The following BACE2 variants were observed in gnomAD, a reference collection of about 807,000 sequenced individuals.
BACE2 encodes the protein 56 kDa aspartic-like protease.
In BACE2, 17 loss-of-function variants were observed where a neutral mutation model predicts 46.2. That is an observed-to-expected ratio of 0.37 (90% CI 0.25 to 0.55). The LOEUF is 0.55. Ranked by LOEUF, BACE2 falls within the 20% of genes least tolerant of loss-of-function variation. The probability of loss-of-function intolerance (pLI) is 0.82; values close to 1 mark genes in which losing one functional copy is unlikely to be tolerated. For missense variants in BACE2, 595 were observed against 698.1 expected (o/e 0.85, Z 1.66); for synonymous variants, 277 against 295.9 (o/e 0.94, Z 0.66).
intron 1 of BACE2, among the ~76,000 whole-genome samples, chr21:41,202,471 G>A (rs1439331113): frequency 6.6e-6 from 1 of 152,224 alleles, no homozygotes; most frequent in Non-Finnish European, 1.5e-5. Context: ...GAGTCTGCTG[G>A]AAAGCAGTAG....
intron 8 of BACE2, among the ~76,000 whole-genome samples, chr21:41,257,786 G>A (rs924313106): frequency 2.6e-5 from 4 of 152,146 alleles, no homozygotes; most frequent in Non-Finnish European, 4.4e-5. Flanking sequence ...CCTGTTTCTC[G>A]TGGGATTCCT....
intron 1 of BACE2, among the ~76,000 whole-genome samples, chr21:41,215,892 GGT>G (rs143517319): frequency 6.6e-6 from 1 of 151,630 alleles, no homozygotes; most frequent in Non-Finnish European, 1.5e-5. Flanking sequence ...GGGCTAGGCT[GGT>G]GTGTGTGTGT....
chr21:41,257,439 A>G (rs1987822066), intron 8 of BACE2, 113 bp downstream of exon 8: 1 of 1,211,680 alleles, frequency 8.3e-7, no homozygotes. Context: ...TGTTTCACTC[A>G]TTCCTATCAC....
intron 1 of BACE2, 96 bp downstream of exon 1, chr21:41,168,671 A>C: frequency 4.6e-5 from 39 of 854,432 alleles, no homozygotes; most frequent in Admixed American, 9.8e-5. Flanking sequence ...TCGCCCCCAA[A>C]GCAGCAGCTG....
At chr21:41,275,073 C>T (rs1006820823) in intron 8 of BACE2, among the ~76,000 whole-genome samples, 3 of 152,218 alleles carry the variant, frequency 2.0e-5, no homozygotes, top group African/African-American at 7.2e-5. Context: ...ACCGCAGTGT[C>T]GCTGGCATTC....
chr21:41,194,053 G>A (rs1985659382), intron 1 of BACE2, among the ~76,000 whole-genome samples: 1 of 152,144 alleles, frequency 6.6e-6, no homozygotes, highest in Admixed American at 6.5e-5. Context: ...GGGGTTCTGG[G>A]TCTGTAAACT....
chr21:41,173,963 T>C (rs965729218), intron 1 of BACE2, among the ~76,000 whole-genome samples: 2 of 151,862 alleles, frequency 1.3e-5, no homozygotes, highest in Non-Finnish European at 2.9e-5. Context: ...AATCAGGATA[T>C]ATTTAATATG....
At chr21:41,168,726 C>CG in intron 1 of BACE2, 151 bp downstream of exon 1, 4 of 193,144 alleles carry the variant, frequency 2.1e-5, no homozygotes, top group Middle Eastern at 2.0e-3. Flanking sequence ...TCGGGTGGGC[C>CG]GGGGAGCGGG....
chr21:41,195,656 A>G (rs1985708310), intron 1 of BACE2, among the ~76,000 whole-genome samples: 1 of 152,218 alleles, frequency 6.6e-6, no homozygotes, highest in Non-Finnish European at 1.5e-5. Flanking sequence ...GGGAAACAGC[A>G]GTAAATCCAA....
At chr21:41,238,260 G>A (rs1026847401) in intron 3 of BACE2, among the ~76,000 whole-genome samples, 1 of 152,256 alleles carries the variant, frequency 6.6e-6, no homozygotes, top group Admixed American at 6.5e-5. Context: ...GCCCTTCCCA[G>A]TGGTGGTGAG....
chr21:41,226,416 A>G (rs1986820710), intron 2 of BACE2, 62 bp downstream of exon 2: 1 of 1,434,616 alleles, frequency 7.0e-7, no homozygotes, highest in Non-Finnish European at 9.7e-7. Context: ...ACATGCTTCA[A>G]AATGCACCAG....
chr21:41,221,642 G>A (rs369263987), intron 1 of BACE2, among the ~76,000 whole-genome samples: 46 of 152,100 alleles, frequency 3.0e-4, no homozygotes, highest in African/African-American at 8.7e-4. Flanking sequence ...TGGCTAACAC[G>A]GTGAAACCCC....
intron 1 of BACE2, among the ~76,000 whole-genome samples, chr21:41,197,093 C>CT (rs1381086407): frequency 6.6e-6 from 1 of 152,072 alleles, no homozygotes; most frequent in Non-Finnish European, 1.5e-5. Flanking sequence ...TCCCGAGTAG[C>CT]TGGGACCACA....
At position 41,257,318 on chromosome 21, in the gene BACE2, C is replaced by T. The variant is rs761187359; in HGVS notation, c.1295C>T (p.Pro432Leu). The T allele has an allele frequency of 7.4e-6, 12 of 1,613,468 alleles. No individual in the cohort carries two copies. The East Asian group carries it at 2.2e-4, about 30-fold the overall frequency. ...AQKRVGFAAS[P>L]CAEIAGAAVS... The stretch of plus-strand genomic sequence containing the variant: ...AAGAGGGTGGGCTTCGCAGCGAGCC[C>T]CTGTGCAGGTGAGCGATTCTGGCAT... The change falls in exon 8 of 9, where the codon CCC (proline) becomes CTC (leucine). Residue 432 changes from proline (P) to leucine (L), a missense_variant. This residue lies in a region of BACE2 where 343 missense variants were observed against 419.4 expected (regional missense o/e 0.82). Transcript: ENST00000330333.
chr21:41,256,208 T>C (rs910827256), intron 7 of BACE2, among the ~76,000 whole-genome samples: 36 of 152,148 alleles, frequency 2.4e-4, no homozygotes, highest in African/African-American at 8.7e-4. Context: ...GTCACCTGCA[T>C]TAGGTATTTC....
chr21:41,225,980 G>A (rs1986806197), intron 1 of BACE2, among the ~76,000 whole-genome samples: 2 of 152,186 alleles, frequency 1.3e-5, no homozygotes, highest in African/African-American at 2.4e-5. Flanking sequence ...AGCACCAACG[G>A]CCTAAAAAGG....
intron 7 of BACE2, among the ~76,000 whole-genome samples, chr21:41,252,862 G>T (rs1230049570): frequency 6.6e-6 from 1 of 152,180 alleles, no homozygotes; most frequent in Non-Finnish European, 1.5e-5. Flanking sequence ...TTCCAGAAAA[G>T]GAGAGATCTT....
intron 1 of BACE2, among the ~76,000 whole-genome samples, chr21:41,200,028 A>G (rs1347414606): frequency 1.3e-4 from 14 of 108,252 alleles, no homozygotes; most frequent in African/African-American, 4.2e-4. Context: ...ATCACACACC[A>G]GGGCCTGTTG....
rs73902989 is a variant in BACE2 at position 41,261,111 on chromosome 21, C to T, written c.1303+3785C>T. Among the ~76,000 whole-genome samples the T allele has an allele frequency of 3.9e-3, 598 of 152,158 alleles. 5 individuals carry two copies. The highest frequency in any genetic ancestry group is 0.013 in the African/African-American group (547 of 41,488). On this transcript the variant is annotated intron_variant, in intron 8 of 8. Transcript: ENST00000330333. ...TATTTCTGTATTGGCAATTATAAACCGTACTGCAGTGAACGTCTTTGTGTA... is the reference window on the plus strand; with the variant it reads ...TATTTCTGTATTGGCAATTATAAACTGTACTGCAGTGAACGTCTTTGTGTA...
Sources: allele counts gnomAD v4.1 joint callset (sites outside exome capture counted in the v4.1 genomes callset), GRCh38; gene constraint gnomAD v4.1.1; regional missense constraint gnomAD v4.1.1; transcripts MANE v1.5; gene names NCBI Gene and HGNC (gene_info 2026-07-23, HGNC 2026-07-21).